Variants in NAP1L1 observed in about 807,000 individuals in gnomAD.
The protein encoded by NAP1L1 is nucleosome assembly protein 1-like 1.
Under a neutral mutation model 58.9 loss-of-function variants are expected in NAP1L1, and 9 were observed. That is an observed-to-expected ratio of 0.15 (90% confidence interval 0.09 to 0.27). The LOEUF is 0.27. NAP1L1 is among the 10% of genes least tolerant of loss of function. The pLI is 1.00. For synonymous variants in NAP1L1, 130 were observed against 138.3 expected (o/e 0.94, Z 0.42); for missense variants, 302 against 458.8 (o/e 0.66, Z 3.12).
chr12:76,053,754 G>A lies in NAP1L1; in HGVS notation c.770+16C>T. The A allele has an allele frequency of 6.3e-7, 1 of 1,597,532 alleles. No homozygotes were observed. Among genetic ancestry groups the A allele is most frequent in the Non-Finnish European group, 8.5e-7 (1 of 1,175,778 alleles). ...ACAGAAAAAACATTTTGTTAAGGTAGTAAAATTAAACTCACCCTGTACAAC... is the reference window on the plus strand; with the variant it reads ...ACAGAAAAAACATTTTGTTAAGGTAATAAAATTAAACTCACCCTGTACAAC... On this transcript the variant is annotated intron_variant, in intron 9 of 14. Coordinates refer to ENST00000618691, the MANE Select transcript of NAP1L1 (RefSeq NM_004537.7).
At chr12:76,057,904 A>C in intron 6 of NAP1L1, 1 of 1,272,480 alleles carries the variant, frequency 7.9e-7, no homozygotes. Context: ...AAATTCCCAG[A>C]GCAAAGAAAT....
chr12:76,055,021 T>C lies in NAP1L1; in HGVS notation c.628A>G (p.Met210Val). 3.7e-6 allele frequency: 6 copies of C among 1,602,576 alleles called. No homozygotes were observed. The highest frequency in any genetic ancestry group is 4.3e-6 in the Non-Finnish European group (5 of 1,174,674). Residue 210 changes from methionine to valine, a missense_variant and splice_region_variant, in exon 8 of 15, where the codon ATG becomes GTG. By Grantham distance (21) the Met-to-Val change is conservative (BLOSUM62 1). Transcript: ENST00000618691. ...TAAATATTTCAAAGTTCTTTTACCA[T>C]AGGCTGGCCAGCATCTGAGAACTTC... ...KVKFSDAGQP[M>V]SFVLEFHFEP...
chr12:76,058,989 C>T (rs1421450015), intron 6 of NAP1L1, among the ~76,000 whole-genome samples: 1 of 152,146 alleles, frequency 6.6e-6, no homozygotes, highest in East Asian at 1.9e-4. Context: ...TACTAAAAGC[C>T]TTAAAACCAC....
rs779412852 is a variant in NAP1L1, at chr12:76,050,628, G to A, written c.962C>T (p.Ala321Val). The A allele has an allele frequency of 9.3e-6, 15 of 1,610,970 alleles. No homozygotes were observed. The highest frequency in any genetic ancestry group is 1.3e-5 in the Non-Finnish European group (15 of 1,179,268). Residue 321 changes from alanine (A) to valine (V), a missense_variant, in exon 12 of 15, where the codon GCT (alanine) becomes GTT (valine). Physicochemically the swap from Ala to Val is moderately conservative, Grantham distance 64 (BLOSUM62 0). Coordinates refer to ENST00000618691, the MANE Select transcript of NAP1L1 (RefSeq NM_004537.7). ...AAAGTGACCAATTTCGAAGTCTGCA[G>A]CAAGGATAGCTTCAGCATCATCATC... ...DLDDDAEAIL[A>V]ADFEIGHFLR...
chr12:76,074,370 A>G, intron 1 of NAP1L1, 131 bp from the exon 2 acceptor site: 1 of 1,337,046 alleles, frequency 7.5e-7, no homozygotes, highest in East Asian at 3.0e-5. Context: ...TTAAAATACT[A>G]TCAGTGTTAA....
At chr12:76,068,776 A>ACACACACT in intron 3 of NAP1L1, 133 bp downstream of exon 3, 1 of 639,976 alleles carries the variant, frequency 1.6e-6, no homozygotes, top group Admixed American at 2.5e-5. Context: ...ACACACACAC[A>ACACACACT]CACTAGAAGT....
At chr12:76,057,653 T>C in intron 6 of NAP1L1, 1 of 1,430,614 alleles carries the variant, frequency 7.0e-7, no homozygotes, top group Non-Finnish European at 9.6e-7. Flanking sequence ...GTCTGTTCAT[T>C]ACCAATAGAG....
chr12:76,074,345 A>T (rs1055343373), intron 1 of NAP1L1, 106 bp from the exon 2 acceptor site: 2 of 1,354,828 alleles, frequency 1.5e-6, no homozygotes, highest in East Asian at 5.9e-5. Flanking sequence ...CTATCCCAAG[A>T]AATGTCTATT....
rs1010527604 is a variant in NAP1L1 at position 76,040,655 on chromosome 12, G to C, written c.*7774C>G. The stretch of plus-strand genomic sequence containing the variant: ...GCTCACTGCAACCTCCACCTCCAGA[G>C]TTCAATCAATTCTTGTGCCTCAGCC... On this transcript the variant is annotated 3_prime_UTR_variant, in exon 15 of 15. Coordinates refer to ENST00000618691, the MANE Select transcript of NAP1L1 (RefSeq NM_004537.7). 9 of 152,092 alleles carry C rather than the reference G, an allele frequency of 5.9e-5. No homozygotes were observed. Among genetic ancestry groups the C allele is most frequent in the African/African-American group, 2.2e-4 (9 of 41,314 alleles). The allele number at this position is 152,092 out of a possible 1,614,324, so 9.4% of individuals were successfully genotyped here.
chr12:76,067,956 G>A lies in NAP1L1; in HGVS notation c.104-483C>T, dbSNP rs192838279. ...ATGTATTTCTATGTGTATGAATAAAGTTAATAAAGTTAATAGTTGGGACAG... is the reference window on the plus strand; with the variant it reads ...ATGTATTTCTATGTGTATGAATAAAATTAATAAAGTTAATAGTTGGGACAG... On this transcript the variant is annotated intron_variant, in intron 3 of 14. Transcript: ENST00000618691. Among the ~76,000 whole-genome samples the A allele has an allele frequency of 2.7e-3, 416 of 152,262 alleles. 2 individuals are homozygous for A. The highest frequency in any genetic ancestry group is 3.9e-3 in the Non-Finnish European group (265 of 68,004).
chr12:76,061,883 T>C (rs537578807), intron 4 of NAP1L1, among the ~76,000 whole-genome samples: 1 of 152,346 alleles, frequency 6.6e-6, no homozygotes, highest in South Asian at 2.1e-4. Flanking sequence ...CTTCTGGCTT[T>C]TCTTGCTCCC....
At chr12:76,071,078 T>C (rs185021213) in intron 2 of NAP1L1, among the ~76,000 whole-genome samples, 11 of 152,330 alleles carry the variant, frequency 7.2e-5, no homozygotes, top group Admixed American at 4.6e-4. Context: ...TGTTATATTT[T>C]ATTGTTTTTT....
chr12:76,059,699 G>A (rs1055930316), intron 6 of NAP1L1, 99 bp downstream of exon 6: 14 of 790,976 alleles, frequency 1.8e-5, no homozygotes, highest in Non-Finnish European at 2.9e-5. Flanking sequence ...AATACAACTG[G>A]TTATATAATA....
rs201002198 is a variant in NAP1L1 at position 76,066,133 on chromosome 12, T to C, written c.206+1238A>G. On this transcript the variant is annotated intron_variant, in intron 4 of 14. Transcript: ENST00000618691. ...ATAAATAAATAAATAAATAAATAAA[T>C]AAATAAACAAACAAACAAACAAACC... is the stretch of plus-strand genomic sequence containing the variant. 1.8e-3 allele frequency among the ~76,000 whole-genome samples: 194 copies of C among 109,694 alleles called. 3 individuals carry two copies. The Middle Eastern group carries it at 0.022, about 12-fold the overall frequency. The allele number at this position is 109,694 out of a possible 152,430, so 72.0% of individuals were successfully genotyped here.
At position 76,040,124 on chromosome 12, in the gene NAP1L1, GA is replaced by G. The variant is rs1948539632; in HGVS notation, c.*8304del. Reference sequence around the variant, plus strand: ...AAGTAAAAGATTCCAAAATGATGGGGAAAAGCATATGTTTTTCTCCCTGAAC... The same window carrying G: ...AAGTAAAAGATTCCAAAATGATGGGGAAAGCATATGTTTTTCTCCCTGAAC... On this transcript the variant is annotated 3_prime_UTR_variant, in exon 15 of 15. Transcript: ENST00000618691. 6.6e-6 allele frequency: 1 copy of G among 152,072 alleles called. No individual in the cohort carries two copies. Among genetic ancestry groups the G allele is most frequent in the South Asian group, 2.1e-4 (1 of 4,824 alleles). 9.4% of individuals were successfully genotyped at this position (152,072 alleles called of 1,614,324 possible).
chr12:76,043,894 T>A lies in NAP1L1; in HGVS notation c.*4535A>T, dbSNP rs568745877. 6.6e-6 allele frequency: 1 copy of A among 152,212 alleles called. No individual in the cohort carries two copies. Among genetic ancestry groups the A allele is most frequent in the Admixed American group, 6.5e-5 (1 of 15,276 alleles). The allele number at this position is 152,212 out of a possible 1,614,324, so 9.4% of individuals were successfully genotyped here. On this transcript the variant is annotated 3_prime_UTR_variant, in exon 15 of 15. Transcript: ENST00000618691. Reference sequence around the variant, plus strand: ...ACATTATGAATGATAAAATTATGAATAAGACCTTCAACTCTGGATATGAGA... The same window carrying A: ...ACATTATGAATGATAAAATTATGAAAAAGACCTTCAACTCTGGATATGAGA...
chr12:76,054,928 AC>A (rs1949010888), intron 8 of NAP1L1, 90 bp downstream of exon 8: 1 of 879,366 alleles, frequency 1.1e-6, no homozygotes, highest in East Asian at 2.6e-5. Context: ...AAGAGCACCA[AC>A]CTTACCCTTG....
intron 7 of NAP1L1, 76 bp downstream of exon 7, chr12:76,055,957 G>T: frequency 7.0e-7 from 1 of 1,435,966 alleles, no homozygotes; most frequent in Non-Finnish European, 9.7e-7. Flanking sequence ...ACACTGAAGA[G>T]AACAGTGATC....
rs921975105 is a variant in NAP1L1, at chr12:76,040,087, C to G, written c.*8342G>C. On this transcript the variant is annotated 3_prime_UTR_variant, in exon 15 of 15. Transcript: ENST00000618691. Reference sequence around the variant, plus strand: ...GAATTATAGCTGGAAATCAATTGTCCAGCTATAATTCAAGTAAAAGATTCC... The same window carrying G: ...GAATTATAGCTGGAAATCAATTGTCGAGCTATAATTCAAGTAAAAGATTCC... 2 of 151,948 alleles carry G rather than the reference C, an allele frequency of 1.3e-5. No homozygotes were observed. Among genetic ancestry groups the G allele is most frequent in the Admixed American group, 1.3e-4 (2 of 15,242 alleles). 9.4% of individuals were successfully genotyped at this position (151,948 alleles called of 1,614,324 possible).
Sources: allele counts gnomAD v4.1 joint callset (sites outside exome capture counted in the v4.1 genomes callset), GRCh38; gene constraint gnomAD v4.1.1; transcripts MANE v1.5; gene names NCBI Gene and HGNC (gene_info 2026-07-23, HGNC 2026-07-21).